The following UNC13C variants were observed in gnomAD, a reference collection of about 807,000 sequenced individuals.
UNC13C encodes the protein unc-13 homolog C.
A neutral mutation model predicts 245.4 loss-of-function variants in UNC13C; 174 were observed. That is an observed-to-expected ratio of 0.71 (90% CI 0.63 to 0.80). The LOEUF (loss-of-function observed/expected upper bound fraction) is 0.80, where lower values mean the gene tolerates loss of function less well. UNC13C is among the 30% of genes least tolerant of loss of function. UNC13C has a pLI of 0.00. For missense variants in UNC13C, 2,829 were observed against 2,602.9 expected (o/e 1.09, Z -1.89); for synonymous variants, 992 against 895.1 (o/e 1.11, Z -1.93).
chr15:53,851,636 C>CTG, the UNC13C span, among the ~76,000 whole-genome samples: 5 of 152,164 alleles, frequency 3.3e-5, no homozygotes, highest in Admixed American at 3.3e-4. Flanking sequence ...GGGCCGTGCC[C>CTG]TGTACCCTGG....
intron 19 of UNC13C, among the ~76,000 whole-genome samples, chr15:54,487,440 G>C (rs1382095763): frequency 6.6e-6 from 1 of 151,770 alleles, no homozygotes; most frequent in East Asian, 1.9e-4. Context: ...AACTATATTT[G>C]TTCCTCCAAA....
chr15:53,954,881 G>C, the UNC13C span, among the ~76,000 whole-genome samples: 5 of 152,176 alleles, frequency 3.3e-5, no homozygotes, highest in Non-Finnish European at 7.4e-5. Flanking sequence ...GCCTTACACA[G>C]AGTATCAGTG....
At chr15:54,261,755 A>G (rs1174181317) in intron 8 of UNC13C, among the ~76,000 whole-genome samples, 1 of 152,140 alleles carries the variant, frequency 6.6e-6, no homozygotes, top group East Asian at 1.9e-4. Context: ...CATGTTAGCC[A>G]GATGGTCACA....
chr15:54,361,329 G>T (rs956400421), intron 17 of UNC13C, among the ~76,000 whole-genome samples: 6 of 151,804 alleles, frequency 4.0e-5, no homozygotes, highest in Non-Finnish European at 8.8e-5. Context: ...TTTTTACTTG[G>T]TGTGTTTTTA....
intron 2 of UNC13C, among the ~76,000 whole-genome samples, chr15:54,037,421 A>C (rs557917819): frequency 6.6e-6 from 1 of 152,216 alleles, no homozygotes; most frequent in African/African-American, 2.4e-5. Context: ...TTTCTCATTG[A>C]TTTATCATGC....
chr15:54,022,479 G>A (rs1425296538), intron 2 of UNC13C, among the ~76,000 whole-genome samples: 1 of 152,014 alleles, frequency 6.6e-6, no homozygotes, highest in Non-Finnish European at 1.5e-5. Flanking sequence ...CAGCCTCTTT[G>A]TGGTTTTAAT....
chr15:53,980,439 T>C (rs149995568), intron 1 of UNC13C, among the ~76,000 whole-genome samples: 2 of 152,320 alleles, frequency 1.3e-5, no homozygotes, highest in African/African-American at 4.8e-5. Flanking sequence ...AAGCTTATGA[T>C]GTCTGTAGGT....
intron 26 of UNC13C, among the ~76,000 whole-genome samples, chr15:54,535,062 C>T (rs574129087): frequency 6.6e-6 from 1 of 152,238 alleles, no homozygotes; most frequent in African/African-American, 2.4e-5. Flanking sequence ...ATATCAATAT[C>T]AACCTTGAAT....
chr15:54,068,408 G>T (rs1273468599), intron 2 of UNC13C, among the ~76,000 whole-genome samples: 1 of 152,126 alleles, frequency 6.6e-6, no homozygotes, highest in Admixed American at 6.6e-5. Context: ...ACTGGGTCTG[G>T]GGGCTAAATC....
chr15:54,148,277 A>T (rs1055795481), intron 4 of UNC13C, among the ~76,000 whole-genome samples: 9 of 152,154 alleles, frequency 5.9e-5, no homozygotes, highest in African/African-American at 2.2e-4. Context: ...TTCAATTATC[A>T]CCAGGAACAA....
At chr15:54,164,153 AAAGG>A (rs1316916096) in intron 4 of UNC13C, among the ~76,000 whole-genome samples, 1 of 152,162 alleles carries the variant, frequency 6.6e-6, no homozygotes, top group East Asian at 1.9e-4. Flanking sequence ...TCAGTTAAAG[AAAGG>A]AAAAAGGAGA....
chr15:54,034,590 T>G (rs955093727), intron 2 of UNC13C, among the ~76,000 whole-genome samples: 1 of 152,234 alleles, frequency 6.6e-6, no homozygotes, highest in Non-Finnish European at 1.5e-5. Flanking sequence ...ATGATTAATG[T>G]TTAAGAATAC....
At chr15:54,564,385 G>A (rs1897419295) in intron 29 of UNC13C, among the ~76,000 whole-genome samples, 1 of 151,962 alleles carries the variant, frequency 6.6e-6, no homozygotes, top group Admixed American at 6.6e-5. Flanking sequence ...TTTTCCTCAT[G>A]TACAAGCACA....
At chr15:54,505,746 T>G (rs901346216) in intron 22 of UNC13C, among the ~76,000 whole-genome samples, 1 of 146,640 alleles carries the variant, frequency 6.8e-6, no homozygotes, top group African/African-American at 2.5e-5. Flanking sequence ...GCTATATTCT[T>G]TTTTTTTTTT....
rs1278505897 is a variant in UNC13C, at chr15:54,500,814, T to C, written c.5158-21T>C. The C allele has an allele frequency of 3.1e-6, 5 of 1,611,008 alleles. No individual in the cohort carries two copies. In the South Asian group the frequency reaches 4.4e-5, roughly 14 times the overall value. Reference sequence around the variant, plus strand: ...GCCTCTAATGTACTGTTTGGGATGGTTTCACCTCCTCTCCCCACAGTTCCA... The same window carrying C: ...GCCTCTAATGTACTGTTTGGGATGGCTTCACCTCCTCTCCCCACAGTTCCA... On this transcript the variant is annotated intron_variant, in intron 21 of 32. Coordinates refer to ENST00000260323, the MANE Select transcript of UNC13C (RefSeq NM_001080534.3).
chr15:54,072,340 T>C (rs1898367851), intron 2 of UNC13C, among the ~76,000 whole-genome samples: 2 of 152,176 alleles, frequency 1.3e-5, no homozygotes, highest in African/African-American at 4.8e-5. Flanking sequence ...TGCTTCTTAG[T>C]GTATCTATAG....
intron 23 of UNC13C, among the ~76,000 whole-genome samples, chr15:54,507,822 A>C (rs918326260): frequency 3.3e-5 from 5 of 151,820 alleles, no homozygotes; most frequent in African/African-American, 9.7e-5. Context: ...CATTGGCAGC[A>C]TTGTAAACAT....
At chr15:54,599,999 T>C (rs1365001578) in intron 30 of UNC13C, among the ~76,000 whole-genome samples, 1 of 152,162 alleles carries the variant, frequency 6.6e-6, no homozygotes, top group Non-Finnish European at 1.5e-5. Flanking sequence ...TTGAATACTT[T>C]TGTTTTTTTA....
chr15:54,567,941 TCA>T lies in UNC13C; in HGVS notation c.6103_6104del (p.Gln2035GlufsTer27). On this transcript the variant is annotated frameshift_variant, in exon 30 of 33. Transcript: ENST00000260323. LOFTEE classifies it high-confidence loss of function. ...LIKKFIDTQT[S>X]QSRSSKDAVG... is the part of the protein sequence containing the mutation. ...AAAGAAATTCATAGATACTCAAACCTCACAGAGTAAGTAACACATAGGACCTG... is the reference window on the plus strand; with the variant it reads ...AAAGAAATTCATAGATACTCAAACCTCAGAGTAAGTAACACATAGGACCTG... 1 of 1,565,122 alleles carries T rather than the reference TCA, an allele frequency of 6.4e-7. No homozygotes were observed. The highest frequency in any genetic ancestry group is 8.7e-7 in the Non-Finnish European group (1 of 1,153,946).
Sources: allele counts gnomAD v4.1 joint callset (sites outside exome capture counted in the v4.1 genomes callset), GRCh38; gene constraint gnomAD v4.1.1; transcripts MANE v1.5; gene names NCBI Gene and HGNC (gene_info 2026-07-23, HGNC 2026-07-21).